Variants in COL5A1 observed in about 807,000 individuals in gnomAD.
COL5A1 encodes collagen type V alpha 1 chain.
Under a neutral mutation model 263.7 loss-of-function variants are expected in COL5A1, and 16 were observed. The observed-to-expected ratio is 0.06, with a 90% CI of 0.04 to 0.09. The LOEUF is 0.09. Ranked by LOEUF, COL5A1 falls within the 10% of genes least tolerant of loss-of-function variation. The probability of loss-of-function intolerance (pLI) is 1.00; values close to 1 mark genes in which losing one functional copy is unlikely to be tolerated. For synonymous variants in COL5A1, 1,012 were observed against 1,004.5 expected, an observed-to-expected ratio of 1.01 and a Z score of -0.14; for missense variants, 2,036 against 2,540.5, an observed-to-expected ratio of 0.80 and a Z score of 4.27.
chr9:134,706,118 C>A lies in COL5A1; in HGVS notation c.654+4785C>A, dbSNP rs76753664. Among the ~76,000 whole-genome samples, 1,249 of 152,316 alleles carry A rather than the reference C, an allele frequency of 8.2e-3. 15 individuals carry two copies. The highest frequency in any genetic ancestry group is 0.029 in the African/African-American group (1,190 of 41,566). ...CTAGGATGGGGTGGGATGGCCAAGC[C>A]CTCTCATGCTGCCTGTTCCCAGGGC... On this transcript the variant is annotated intron_variant, in intron 4 of 65. Coordinates refer to ENST00000371817, the MANE Select transcript of COL5A1 (RefSeq NM_000093.5).
In COL5A1 at chr9:134,806,372, C is replaced by T. The variant is rs1294943402; in HGVS notation, c.3366+76C>T. 3.8e-6 allele frequency: 4 copies of T among 1,045,412 alleles called. No homozygotes were observed. The East Asian group carries it at 7.8e-5, about 20-fold the overall frequency. 64.8% of individuals were successfully genotyped at this position (1,045,412 alleles called of 1,614,324 possible). On this transcript the variant is annotated intron_variant, in intron 42 of 65. Coordinates refer to ENST00000371817, the MANE Select transcript of COL5A1 (RefSeq NM_000093.5). ...CGTTCCGTGTCTGGCCTTGTCCCTC[C>T]CCCTGTGATGTCCCCAGGGGTATTT... is the stretch of plus-strand genomic sequence containing the variant.
chr9:134,701,570 C>G (rs1238591863), intron 4 of COL5A1, among the ~76,000 whole-genome samples: 1 of 152,222 alleles, frequency 6.6e-6, no homozygotes, highest in Non-Finnish European at 1.5e-5. Context: ...AGTGGCCGCC[C>G]TTGTCCCAAG....
intron 41 of COL5A1, among the ~76,000 whole-genome samples, chr9:134,805,752 TG>T (rs1393799401): frequency 1.3e-5 from 2 of 151,570 alleles, no homozygotes; most frequent in Non-Finnish European, 2.9e-5. Flanking sequence ...GGGTGCCCCA[TG>T]GGCATGGGGG....
rs863223464 is a variant in COL5A1, at chr9:134,700,014, T to C, written c.383T>C (p.Ile128Thr). 6.2e-7 allele frequency: 1 copy of C among 1,613,712 alleles called. No individual in the cohort carries two copies. Among genetic ancestry groups the C allele is most frequent in the South Asian group, 1.1e-5 (1 of 91,076 alleles). ...TACAACGAGCAGGGTATCCAGCAGATTGGGCTGGAGCTGGGCCGCTCTCCC... is the reference window on the plus strand; with the variant it reads ...TACAACGAGCAGGGTATCCAGCAGACTGGGCTGGAGCTGGGCCGCTCTCCC... ...SIYNEQGIQQ[I>T]GLELGRSPVF... The change falls in exon 3 of 66, where the codon ATT (isoleucine) becomes ACT (threonine). Residue 128 changes from isoleucine (I) to threonine (T), a missense_variant. Ile to Thr is a moderately conservative substitution (Grantham distance 89). Transcript: ENST00000371817. This position sits in a 1 kb window ranked among gnomAD's most constrained non-coding sequence, Gnocchi z 4.0.
chr9:134,777,950 G>A (rs548305006), intron 27 of COL5A1, among the ~76,000 whole-genome samples: 6 of 152,328 alleles, frequency 3.9e-5, no homozygotes, highest in South Asian at 4.1e-4. Context: ...TTTCCTGTGC[G>A]TTTCAGAGGA....
intron 1 of COL5A1, among the ~76,000 whole-genome samples, chr9:134,670,714 T>C (rs1192948730): frequency 6.6e-6 from 1 of 152,160 alleles, no homozygotes; most frequent in Non-Finnish European, 1.5e-5. Flanking sequence ...TCTCCTCCCA[T>C]TGAGTCAGAA....
In COL5A1 at chr9:134,803,008, A is replaced by G; in HGVS notation, c.3114+13A>G. 6.3e-7 allele frequency: 1 copy of G among 1,577,264 alleles called. No individual in the cohort carries two copies. The highest frequency in any genetic ancestry group is 8.6e-7 in the Non-Finnish European group (1 of 1,158,226). The stretch of plus-strand genomic sequence containing the variant: ...AGAAGGGACGAAGGTGAGTTTCTGG[A>G]GCCTTCTGTGTCAGCTCAGGCGTTT... On this transcript the variant is annotated intron_variant, in intron 39 of 65. Coordinates refer to ENST00000371817, the MANE Select transcript of COL5A1 (RefSeq NM_000093.5).
intron 15 of COL5A1, 62 bp downstream of exon 15, chr9:134,753,965 G>A (rs1449053393): frequency 4.2e-6 from 6 of 1,444,518 alleles, no homozygotes; most frequent in South Asian, 1.1e-5. Flanking sequence ...CGGCAGCGAC[G>A]GCGAGCATGG....
intron 1 of COL5A1, among the ~76,000 whole-genome samples, chr9:134,666,011 C>T (rs931345867): frequency 7.9e-4 from 120 of 152,192 alleles, no homozygotes; most frequent in Non-Finnish European, 1.2e-3. Flanking sequence ...CGCTTGAACC[C>T]GGGAGGCGGA....
intron 37 of COL5A1, 40 bp downstream of exon 37, chr9:134,798,501 C>T (rs778390664): frequency 1.3e-6 from 2 of 1,595,768 alleles, no homozygotes; most frequent in Non-Finnish European, 1.7e-6. Context: ...CTGGCTGGCT[C>T]TCTGACCACC....
chr9:134,822,181 T>C lies in COL5A1; in HGVS notation c.4608+31T>C, dbSNP rs9697186. Reference sequence around the variant, plus strand: ...TATCTGGGAGGGGCTTGGTCATTCCTGGGAGGGCAGGGAGGGTGGGGATAA... The same window carrying C: ...TATCTGGGAGGGGCTTGGTCATTCCCGGGAGGGCAGGGAGGGTGGGGATAA... On this transcript the variant is annotated intron_variant, in intron 59 of 65. Coordinates refer to ENST00000371817, the MANE Select transcript of COL5A1 (RefSeq NM_000093.5). The C allele has an allele frequency of 0.65, 848,157 of 1,301,564 alleles. 253,391 individuals carry two copies. The highest frequency in any genetic ancestry group is 0.86 in the African/African-American group (62,102 of 72,050). The allele number at this position is 1,301,564 out of a possible 1,614,324, so 80.6% of individuals were successfully genotyped here. A position where few individuals can be genotyped will look rare whatever the true frequency, so the allele number is the denominator to read the frequency against.
At chr9:134,653,932 G>A (rs1028275302) in intron 1 of COL5A1, among the ~76,000 whole-genome samples, 2 of 150,032 alleles carry the variant, frequency 1.3e-5, no homozygotes, top group Non-Finnish European at 1.5e-5. Context: ...TAGGGCTGGT[G>A]TATGTAGGGC....
intron 8 of COL5A1, 34 bp from the exon 9 acceptor site, chr9:134,732,037 G>C: frequency 1.2e-6 from 2 of 1,611,914 alleles, no homozygotes; most frequent in Non-Finnish European, 1.7e-6. Flanking sequence ...TTTTCTCTCT[G>C]ATTCTCTTTC....
intron 1 of COL5A1, among the ~76,000 whole-genome samples, chr9:134,671,233 G>A (rs953582218): frequency 3.3e-5 from 5 of 152,312 alleles, no homozygotes; most frequent in South Asian, 2.1e-4. Context: ...TGCCCACCGC[G>A]GAGGGGACCT....
At chr9:134,761,899 C>G (rs772253720) in intron 18 of COL5A1, 26 bp from the exon 19 acceptor site, 2 of 1,612,438 alleles carry the variant, frequency 1.2e-6, no homozygotes, top group African/African-American at 1.3e-5. Flanking sequence ...TCAGGAGAGG[C>G]TGACGTTGAC....
rs1420472820 is a variant in COL5A1 at position 134,727,192 on chromosome 9, T to C, written c.655-74T>C. 15 of 1,519,774 alleles carry C rather than the reference T, an allele frequency of 9.9e-6. 1 individual carries two copies. The highest frequency in any genetic ancestry group is 1.7e-5 in the Admixed American group (1 of 59,798). The allele number at this position is 1,519,774 out of a possible 1,614,324, so 94.1% of individuals were successfully genotyped here. Reference sequence around the variant, plus strand: ...CTGGACTTTCCCCTGCTTCAAGGCATGGGGCTGTGTCTCCCAGGTCCCCAT... The same window carrying C: ...CTGGACTTTCCCCTGCTTCAAGGCACGGGGCTGTGTCTCCCAGGTCCCCAT... On this transcript the variant is annotated intron_variant, in intron 4 of 65. Coordinates refer to ENST00000371817, the MANE Select transcript of COL5A1 (RefSeq NM_000093.5).
Position 134,677,107 on chromosome 9 carries a change from C to T in COL5A1, c.110-13805C>T, listed in dbSNP as rs373219733. Among the ~76,000 whole-genome samples, 7 of 152,184 alleles carry T rather than the reference C, an allele frequency of 4.6e-5. No individual in the cohort carries two copies. Among genetic ancestry groups the T allele is most frequent in the Admixed American group, 1.3e-4 (2 of 15,284 alleles). On this transcript the variant is annotated intron_variant, in intron 1 of 65. Transcript: ENST00000371817. The surrounding 1 kb of genome is among the most constrained non-coding windows in gnomAD (Gnocchi z 4.4). ...CAGAAGAGGCAGGGACACCAGGAAG[C>T]GGCGGTCCATCCCCTCGTGATTGGT...
chr9:134,786,969 G>A (rs1837483045), intron 31 of COL5A1, among the ~76,000 whole-genome samples: 2 of 152,220 alleles, frequency 1.3e-5, no homozygotes, highest in South Asian at 4.1e-4. Context: ...CCTTCCTGTG[G>A]AATGCGAAGC....
At chr9:134,762,459 C>T (rs1028717802) in intron 19 of COL5A1, among the ~76,000 whole-genome samples, 52 of 152,132 alleles carry the variant, frequency 3.4e-4, no homozygotes, top group Non-Finnish European at 5.4e-4. Flanking sequence ...TGGCTGTGGC[C>T]ATGGGGCCAG....
Sources: gnomAD v4.1 joint callset for allele counts (sites outside exome capture counted in the v4.1 genomes callset) on GRCh38, gnomAD v4.1.1 for gene constraint, Gnocchi (gnomAD v3.1) non-coding constraint, MANE v1.5 for transcripts, NCBI Gene and HGNC (gene_info 2026-07-23, HGNC 2026-07-21) for gene names.